Variants in HPSE2 observed in about 807,000 individuals in gnomAD.
HPSE2 encodes the protein inactive heparanase-2.
In HPSE2, 38 loss-of-function variants were observed where a neutral mutation model predicts 60.5. The ratio of observed to expected loss-of-function variants is 0.63; its 90% CI spans 0.48 to 0.82. HPSE2 has a LOEUF of 0.82. HPSE2 is among the 40% of genes least tolerant of loss of function. The probability of loss-of-function intolerance (pLI) is 0.00; values close to 1 mark genes in which losing one functional copy is unlikely to be tolerated. For missense variants in HPSE2, 713 were observed against 740.4 expected (o/e 0.96, Z 0.43); for synonymous variants, 295 against 293.2 (o/e 1.01, Z -0.06).
intron 3 of HPSE2, among the ~76,000 whole-genome samples, chr10:98,832,960 G>A (rs1951716711): frequency 1.3e-5 from 2 of 152,174 alleles, no homozygotes; most frequent in Admixed American, 1.3e-4. Flanking sequence ...ATATGGCTAA[G>A]CGAGCAGATG....
intron 7 of HPSE2, among the ~76,000 whole-genome samples, chr10:98,621,298 A>G (rs575738824): frequency 2.9e-4 from 44 of 152,084 alleles, no homozygotes; most frequent in Non-Finnish European, 5.7e-4. Flanking sequence ...GAATAATTGC[A>G]TGCCTTCCAA....
intron 3 of HPSE2, among the ~76,000 whole-genome samples, chr10:98,898,875 A>C (rs566432944): frequency 6.6e-6 from 1 of 152,344 alleles, no homozygotes; most frequent in South Asian, 2.1e-4. Context: ...ACAAAAGTGC[A>C]AAGGCAATTC....
At chr10:99,096,847 T>A (rs889473848) in intron 3 of HPSE2, among the ~76,000 whole-genome samples, 2 of 152,052 alleles carry the variant, frequency 1.3e-5, no homozygotes, top group African/African-American at 4.8e-5. Flanking sequence ...CAAAGGGGAA[T>A]CCATAGAAAA....
At chr10:98,593,521 T>C (rs945833855) in intron 9 of HPSE2, among the ~76,000 whole-genome samples, 16 of 151,872 alleles carry the variant, frequency 1.1e-4, no homozygotes, top group African/African-American at 3.6e-4. Context: ...AGATTGGAAG[T>C]GAAAGAAACT....
chr10:98,736,847 C>G (rs1949370056), intron 4 of HPSE2, among the ~76,000 whole-genome samples: 1 of 152,144 alleles, frequency 6.6e-6, no homozygotes, highest in Non-Finnish European at 1.5e-5. Context: ...AGAAGGAATT[C>G]AAGGATTCCT....
At position 99,153,810 on chromosome 10, in the gene HPSE2, C is replaced by T. The variant is rs1333855250; in HGVS notation, c.449-9411G>A. Among the ~76,000 whole-genome samples, 13 of 151,728 alleles carry T rather than the reference C, an allele frequency of 8.6e-5. No individual in the cohort carries two copies. The East Asian group carries it at 1.2e-3, about 14-fold the overall frequency. ...CAGACGATCAAATTACTCTGAGCTA[C>T]GGGAGGACATTCAAACCAAAGGTAA... On this transcript the variant is annotated intron_variant, in intron 2 of 11. Transcript: ENST00000370552.
chr10:98,853,262 CA>C lies in HPSE2; in HGVS notation c.611-109207del, dbSNP rs11304141. 8.0e-3 allele frequency among the ~76,000 whole-genome samples: 1,220 copies of C among 152,214 alleles called. 16 individuals are homozygous for C. The highest frequency in any genetic ancestry group is 0.028 in the African/African-American group (1,152 of 41,538). On this transcript the variant is annotated intron_variant, in intron 3 of 11. Transcript: ENST00000370552. ...TTGTGAGGGGCTTTAAAAGAAAACA[CA>C]AAGAGGAGATGTTTTCCCTCTTTTT...
At chr10:98,543,325 G>A (rs1254604260) in intron 9 of HPSE2, among the ~76,000 whole-genome samples, 9 of 152,208 alleles carry the variant, frequency 5.9e-5, no homozygotes, top group African/African-American at 2.2e-4. Flanking sequence ...GCTCCCGAAG[G>A]AAGTGCTAAA....
chr10:99,304,272 A>C, the HPSE2 span, among the ~76,000 whole-genome samples: 2 of 152,220 alleles, frequency 1.3e-5, no homozygotes, highest in African/African-American at 4.8e-5. Context: ...CATGGCAATG[A>C]CCCAGTGAGC....
chr10:98,741,572 G>T (rs1200976615), intron 4 of HPSE2, among the ~76,000 whole-genome samples: 2 of 151,478 alleles, frequency 1.3e-5, no homozygotes, highest in Non-Finnish European at 2.9e-5. Flanking sequence ...GCCAGTTGTA[G>T]ATTTATTTAA....
At chr10:98,516,634 A>G (rs1405244781) in intron 9 of HPSE2, among the ~76,000 whole-genome samples, 1 of 152,178 alleles carries the variant, frequency 6.6e-6, no homozygotes, top group Admixed American at 6.5e-5. Context: ...TTACTAAACC[A>G]GGAGGGTACA....
At chr10:98,618,674 T>C (rs1011069026) in intron 8 of HPSE2, among the ~76,000 whole-genome samples, 1 of 152,148 alleles carries the variant, frequency 6.6e-6, no homozygotes, top group Non-Finnish European at 1.5e-5. Context: ...CTACCCAGAT[T>C]CAAGCAATTC....
At chr10:98,506,198 A>G (rs1942193984) in intron 9 of HPSE2, among the ~76,000 whole-genome samples, 1 of 152,310 alleles carries the variant, frequency 6.6e-6, no homozygotes, top group African/African-American at 2.4e-5. Context: ...TTTGAAGGTG[A>G]AAGTTCCCAA....
chr10:98,806,710 T>G (rs1357669772), intron 3 of HPSE2, among the ~76,000 whole-genome samples: 1 of 152,266 alleles, frequency 6.6e-6, no homozygotes, highest in Admixed American at 6.5e-5. Flanking sequence ...TAGACTGTTA[T>G]GTGAATGTTG....
At chr10:99,189,304 AT>A (rs1848138361) in intron 2 of HPSE2, among the ~76,000 whole-genome samples, 1 of 152,204 alleles carries the variant, frequency 6.6e-6, no homozygotes, top group Admixed American at 6.5e-5. Flanking sequence ...TTGTATTTAT[AT>A]AAACAGGCCA....
chr10:98,899,111 G>C (rs1013410717), intron 3 of HPSE2, among the ~76,000 whole-genome samples: 1 of 152,196 alleles, frequency 6.6e-6, no homozygotes, highest in Non-Finnish European at 1.5e-5. Context: ...AAATATTTCA[G>C]ATTTTGTGTG....
Position 98,936,010 on chromosome 10 carries a change from G to A in HPSE2, c.611-191954C>T, listed in dbSNP as rs538787442. Among the ~76,000 whole-genome samples the A allele has an allele frequency of 4.3e-4, 62 of 144,642 alleles. 13 individuals carry two copies. The highest frequency in any genetic ancestry group is 1.6e-3 in the African/African-American group (59 of 35,906). 94.9% of individuals were successfully genotyped at this position (144,642 alleles called of 152,430 possible). A position where few individuals can be genotyped will look rare whatever the true frequency, so the allele number is the denominator to read the frequency against. ...TGCAGGGATGCCCTGCCCGGTGAGG[G>A]GGTATCTAGAGAAGTAGTCTGGCCA... On this transcript the variant is annotated intron_variant, in intron 3 of 11. Coordinates refer to ENST00000370552, the MANE Select transcript of HPSE2 (RefSeq NM_021828.5).
At chr10:98,732,869 T>G (rs1006133602) in intron 4 of HPSE2, among the ~76,000 whole-genome samples, 1 of 152,124 alleles carries the variant, frequency 6.6e-6, no homozygotes, top group Non-Finnish European at 1.5e-5. Flanking sequence ...TATACTTGAA[T>G]TTTTAAAAAA....
chr10:98,859,573 T>C (rs1304235405), intron 3 of HPSE2, among the ~76,000 whole-genome samples: 1 of 152,152 alleles, frequency 6.6e-6, no homozygotes, highest in African/African-American at 2.4e-5. Context: ...TCTCCTGCCC[T>C]TGGACAATGG....
Sources: gnomAD v4.1 joint callset for allele counts (sites outside exome capture counted in the v4.1 genomes callset) on GRCh38, gnomAD v4.1.1 for gene constraint, MANE v1.5 for transcripts, NCBI Gene and HGNC (gene_info 2026-07-23, HGNC 2026-07-21) for gene names.